ZNF423: variants seen among roughly 807,000 people sequenced by gnomAD.
The protein encoded by ZNF423 is zinc finger protein 423, also known as Ebf-associated zinc finger protein.
A neutral mutation model predicts 95.8 loss-of-function variants in ZNF423; 12 were observed. The observed-to-expected ratio is 0.13, with a 90% CI of 0.08 to 0.20. The LOEUF is 0.20. ZNF423 is among the 10% of genes least tolerant of loss of function. The pLI is 1.00. For synonymous variants in ZNF423, 749 were observed against 711.9 expected (o/e 1.05, Z -0.83); for missense variants, 1,316 against 1,737.1 (o/e 0.76, Z 4.31).
intron 5 of ZNF423, among the ~76,000 whole-genome samples, chr16:49,622,378 C>G (rs1296139556): frequency 1.3e-5 from 2 of 151,478 alleles, no homozygotes; most frequent in Admixed American, 6.6e-5. Flanking sequence ...CACAATGCCT[C>G]AGTCTTGGCC....
intron 1 of ZNF423, among the ~76,000 whole-genome samples, chr16:49,836,747 C>CCTGATGCTCCTTCTCCCCCA (rs1409308338): frequency 1.3e-5 from 2 of 152,150 alleles, no homozygotes; most frequent in East Asian, 3.8e-4. Flanking sequence ...CTTATCCCCT[C>CCTGATGCTCCTTCTCCCCCA]CTGATGCTCC....
chr16:49,733,168 T>G (rs889480420), intron 2 of ZNF423, among the ~76,000 whole-genome samples: 2 of 152,018 alleles, frequency 1.3e-5, no homozygotes. Context: ...GGTTACACAG[T>G]CAAGTGCCCG....
At chr16:49,660,220 A>AATGAACGAATGG (rs140252244) in intron 3 of ZNF423, among the ~76,000 whole-genome samples, 1 of 152,068 alleles carries the variant, frequency 6.6e-6, no homozygotes, top group Non-Finnish European at 1.5e-5. Flanking sequence ...TGAATGAATG[A>AATGAACGAATGG]ATGGATGAAA....
chr16:49,656,034 A>G (rs1249899466), intron 3 of ZNF423, among the ~76,000 whole-genome samples: 1 of 144,450 alleles, frequency 6.9e-6, no homozygotes, highest in Non-Finnish European at 1.5e-5. Flanking sequence ...CTGGCTACCT[A>G]GGGACCCGAG....
At chr16:49,646,574 C>CTTTTTTTTTTTTTTTTTTTTATTTTTTT in intron 3 of ZNF423, among the ~76,000 whole-genome samples, 1 of 118,000 alleles carries the variant, frequency 8.5e-6, no homozygotes, top group African/African-American at 3.0e-5. Context: ...TTTTCTTTTT[C>CTTTTTTTTTTTTTTTTTTTTATTTTTTT]TTTTTTTTTT....
At position 49,844,988 on chromosome 16, in the gene ZNF423, T is replaced by C. The variant is rs2035227576; in HGVS notation, c.40+10747A>G. On this transcript the variant is annotated intron_variant, in intron 1 of 7. Transcript: ENST00000563137. ...AGGCAGAGGTTGCAGTGAGCAGAGTTCGCGCCATTGCACTCAAGCCTGGGC... is the reference window on the plus strand; with the variant it reads ...AGGCAGAGGTTGCAGTGAGCAGAGTCCGCGCCATTGCACTCAAGCCTGGGC... Among the ~76,000 whole-genome samples the C allele has an allele frequency of 3.9e-5, 5 of 128,362 alleles. No individual in the cohort carries two copies. In the Admixed American group the frequency reaches 4.8e-4, roughly 12 times the overall value. The allele number at this position is 128,362 out of a possible 152,430, so 84.2% of individuals were successfully genotyped here.
chr16:49,584,375 G>A (rs1970758298), intron 5 of ZNF423, among the ~76,000 whole-genome samples: 1 of 152,184 alleles, frequency 6.6e-6, no homozygotes, highest in African/African-American at 2.4e-5. Context: ...CCTGTACTTT[G>A]TCCAAAAACT....
intron 3 of ZNF423, among the ~76,000 whole-genome samples, chr16:49,683,759 A>G (rs951071486): frequency 3.9e-5 from 6 of 152,152 alleles, no homozygotes; most frequent in Non-Finnish European, 7.4e-5. Flanking sequence ...CCTGGCCAAC[A>G]CTGTGAGACT....
chr16:49,659,080 C>T (rs779917470), intron 3 of ZNF423, among the ~76,000 whole-genome samples: 52 of 152,206 alleles, frequency 3.4e-4, no homozygotes, highest in Non-Finnish European at 2.6e-4. Context: ...CTTGTTTTAG[C>T]GGGGGGTGGT....
At chr16:49,575,238 AT>A (rs984216906) in intron 5 of ZNF423, among the ~76,000 whole-genome samples, 45 of 152,030 alleles carry the variant, frequency 3.0e-4, no homozygotes, top group Non-Finnish European at 6.0e-4. Context: ...CTTTCAACAC[AT>A]TTTTTTTAGA....
chr16:49,807,454 T>C (rs569194185), intron 1 of ZNF423, among the ~76,000 whole-genome samples: 1 of 151,240 alleles, frequency 6.6e-6, no homozygotes, highest in South Asian at 2.1e-4. Context: ...AAATACAAAA[T>C]AAAAGCCCAA....
At chr16:49,843,613 G>A (rs1033933376) in intron 1 of ZNF423, among the ~76,000 whole-genome samples, 2 of 152,210 alleles carry the variant, frequency 1.3e-5, no homozygotes, top group Non-Finnish European at 2.9e-5. Context: ...GAGGCCCATA[G>A]AAGGAACTGT....
intron 3 of ZNF423, among the ~76,000 whole-genome samples, chr16:49,729,565 T>C (rs16947919): frequency 0.012 from 1,781 of 151,982 alleles, 35 homozygotes; most frequent in African/African-American, 0.041. Flanking sequence ...GGTTGCAATA[T>C]CACAAATTCC....
intron 5 of ZNF423, among the ~76,000 whole-genome samples, chr16:49,541,866 C>A (rs190711726): frequency 1.3e-5 from 2 of 152,208 alleles, no homozygotes; most frequent in African/African-American, 2.4e-5. Context: ...TCTATCATGA[C>A]TGTAAGTTTC....
chr16:49,776,858 GA>G (rs113471992), intron 2 of ZNF423, among the ~76,000 whole-genome samples: 7 of 152,358 alleles, frequency 4.6e-5, no homozygotes, highest in African/African-American at 1.7e-4. Context: ...AGACAATCTG[GA>G]CATCTTGAAC....
intron 5 of ZNF423, among the ~76,000 whole-genome samples, chr16:49,561,296 G>C (rs558312277): frequency 6.6e-6 from 1 of 152,074 alleles, no homozygotes; most frequent in Admixed American, 6.5e-5. Context: ...GTTTTTTATC[G>C]GACAGTGAGT....
intron 3 of ZNF423, among the ~76,000 whole-genome samples, chr16:49,649,961 G>A (rs1375245399): frequency 1.6e-4 from 25 of 152,260 alleles, no homozygotes; most frequent in Non-Finnish European, 3.2e-4. Flanking sequence ...CCAGGGAGCT[G>A]AGAGTTTCTT....
chr16:49,645,896 A>T (rs1343924335), intron 3 of ZNF423, among the ~76,000 whole-genome samples: 1 of 152,174 alleles, frequency 6.6e-6, no homozygotes, highest in East Asian at 1.9e-4. Context: ...GTGAAGAAGG[A>T]CATGTTTGTT....
intron 5 of ZNF423, among the ~76,000 whole-genome samples, chr16:49,534,052 G>A (rs1221646538): frequency 6.6e-6 from 1 of 152,044 alleles, no homozygotes; most frequent in Non-Finnish European, 1.5e-5. Flanking sequence ...GCAGGAAGAT[G>A]TCTTCAGCCC....
Sources: allele counts gnomAD v4.1 joint callset (sites outside exome capture counted in the v4.1 genomes callset), GRCh38; gene constraint gnomAD v4.1.1; transcripts MANE v1.5; gene names NCBI Gene and HGNC (gene_info 2026-07-23, HGNC 2026-07-21).